Variants in RBFOX3 observed in about 807,000 individuals in gnomAD.
RBFOX3 encodes RNA binding protein fox-1 homolog 3.
A neutral mutation model predicts 48.7 loss-of-function variants in RBFOX3; 17 were observed. The observed-to-expected ratio is 0.35, with a 90% CI of 0.24 to 0.52. The LOEUF (loss-of-function observed/expected upper bound fraction) is 0.52. Ranked by LOEUF, RBFOX3 falls within the 20% of genes least tolerant of loss-of-function variation. The pLI is 0.94. For synonymous variants in RBFOX3, 212 were observed against 209.5 expected (o/e 1.01, Z -0.10); for missense variants, 382 against 497.5 (o/e 0.77, Z 2.21).
In RBFOX3 at chr17:79,092,060, G is replaced by A. The variant is rs906696334; in HGVS notation, c.1078-1175C>T. Reference sequence around the variant, plus strand: ...AGGCCTGCGGGAGCACCCTCAGGCCGGGGAGACCCACACTGGGTGCCTGGA... The same window carrying A: ...AGGCCTGCGGGAGCACCCTCAGGCCAGGGAGACCCACACTGGGTGCCTGGA... On this transcript the variant is annotated intron_variant, in intron 14 of 14. Coordinates refer to ENST00000693108, the MANE Select transcript of RBFOX3 (RefSeq NM_001350451.2). 14 of 985,362 alleles carry A rather than the reference G, an allele frequency of 1.4e-5. No individual in the cohort carries two copies. The African/African-American group carries it at 1.9e-4, about 14-fold the overall frequency. The allele number at this position is 985,362 out of a possible 1,614,324, so 61.0% of individuals were successfully genotyped here.
At chr17:79,467,574 A>G (rs1185727781) in intron 2 of RBFOX3, among the ~76,000 whole-genome samples, 4 of 152,160 alleles carry the variant, frequency 2.6e-5, no homozygotes, top group South Asian at 2.1e-4. Flanking sequence ...CCTGCCTGAC[A>G]GAGAGGCTTA....
intron 4 of RBFOX3, among the ~76,000 whole-genome samples, chr17:79,151,355 G>A (rs1305276031): frequency 3.4e-5 from 5 of 145,866 alleles, no homozygotes; most frequent in African/African-American, 1.0e-4. Context: ...AGACACGTTC[G>A]GTGTCACGGG....
At chr17:79,453,177 A>G (rs1312953903) in intron 2 of RBFOX3, among the ~76,000 whole-genome samples, 5 of 152,192 alleles carry the variant, frequency 3.3e-5, no homozygotes, top group Admixed American at 6.5e-5. Flanking sequence ...CATTCTACAC[A>G]TGCTATGCCG....
chr17:79,627,264 T>TC, the RBFOX3 span, among the ~76,000 whole-genome samples: 2 of 152,024 alleles, frequency 1.3e-5, no homozygotes, highest in Admixed American at 6.6e-5. Context: ...GATGCCACCT[T>TC]CCCCCCAGGT....
intron 1 of RBFOX3, among the ~76,000 whole-genome samples, chr17:79,558,175 G>A (rs1412484051): frequency 2.6e-5 from 4 of 152,198 alleles, no homozygotes; most frequent in African/African-American, 9.7e-5. Flanking sequence ...TTGGGGGCAG[G>A]AAAGACATAC....
intron 2 of RBFOX3, among the ~76,000 whole-genome samples, chr17:79,335,852 G>T (rs1275034145): frequency 6.6e-6 from 1 of 152,194 alleles, no homozygotes; most frequent in African/African-American, 2.4e-5. Context: ...ACTCCACGTA[G>T]CCTGCAGCCA....
In RBFOX3 at chr17:79,325,656, A is replaced by C. The variant is rs574902715; in HGVS notation, c.-174-17832T>G. Among the ~76,000 whole-genome samples, 8 of 152,324 alleles carry C rather than the reference A, an allele frequency of 5.3e-5. No individual in the cohort carries two copies. The South Asian group carries it at 1.7e-3, about 32-fold the overall frequency. On this transcript the variant is annotated intron_variant, in intron 2 of 14. Transcript: ENST00000693108. ...AAAAAATAATCAATCAATAAAAAACAAAAAGCACAACCAAAATGTAAGTAC... is the reference window on the plus strand; with the variant it reads ...AAAAAATAATCAATCAATAAAAAACCAAAAGCACAACCAAAATGTAAGTAC...
chr17:79,119,508 C>T (rs984174613), intron 4 of RBFOX3, among the ~76,000 whole-genome samples: 1 of 152,112 alleles, frequency 6.6e-6, no homozygotes, highest in South Asian at 2.1e-4. Context: ...GTAGCCCTGC[C>T]CAGGGTGGTT....
intron 1 of RBFOX3, among the ~76,000 whole-genome samples, chr17:79,537,932 A>C (rs2089092286): frequency 6.6e-6 from 1 of 152,088 alleles, no homozygotes; most frequent in African/African-American, 2.4e-5. Flanking sequence ...AGGCATGTCC[A>C]CACCCCCCGA....
chr17:79,181,888 G>A (rs1476638856), intron 4 of RBFOX3, among the ~76,000 whole-genome samples: 2 of 152,054 alleles, frequency 1.3e-5, no homozygotes, highest in South Asian at 4.2e-4. Context: ...TCCTTGGAGG[G>A]CCAAGGGGCA....
the RBFOX3 span, among the ~76,000 whole-genome samples, chr17:79,656,770 G>GAGAGAGAGAGAGAGAGAGA: frequency 6.2e-5 from 2 of 32,490 alleles, no homozygotes; most frequent in African/African-American, 8.7e-5. Flanking sequence ...AGGAAGGAAG[G>GAGAGAGAGAGAGAGAGAGA]AAGGAAGGAA....
intron 1 of RBFOX3, among the ~76,000 whole-genome samples, chr17:79,503,993 G>A (rs936242626): frequency 2.0e-5 from 3 of 151,368 alleles, no homozygotes; most frequent in African/African-American, 4.9e-5. Context: ...GTGGGTGGGC[G>A]GGGTGGCAGG....
At chr17:79,649,849 C>A in the RBFOX3 span, among the ~76,000 whole-genome samples, 1 of 152,022 alleles carries the variant, frequency 6.6e-6, no homozygotes, top group Admixed American at 6.6e-5. Flanking sequence ...TGGAGGCAGG[C>A]GAAGGGGAAG....
At chr17:79,141,670 G>C (rs2707039) in intron 4 of RBFOX3, among the ~76,000 whole-genome samples, 1 of 152,114 alleles carries the variant, frequency 6.6e-6, no homozygotes, top group Admixed American at 6.5e-5. Context: ...AGAAGTTGGG[G>C]GTCCCTCGGT....
chr17:79,211,632 G>A (rs78039663), intron 4 of RBFOX3, among the ~76,000 whole-genome samples: 1 of 152,114 alleles, frequency 6.6e-6, no homozygotes, highest in African/African-American at 2.4e-5. Context: ...AGACTCCGGG[G>A]GGCTGGACAG....
At chr17:79,662,599 A>G in the RBFOX3 span, among the ~76,000 whole-genome samples, 3 of 151,826 alleles carry the variant, frequency 2.0e-5, no homozygotes, top group Non-Finnish European at 2.9e-5. Flanking sequence ...TCATTAGTCT[A>G]TTTGTCTGTC....
At chr17:79,304,524 A>C (rs1023837349) in intron 3 of RBFOX3, among the ~76,000 whole-genome samples, 3 of 151,354 alleles carry the variant, frequency 2.0e-5, no homozygotes, top group Non-Finnish European at 4.4e-5. Context: ...AAACTGCTAG[A>C]AGATCACACA....
chr17:79,334,660 C>CCTAG (rs1381776744), intron 2 of RBFOX3, among the ~76,000 whole-genome samples: 1 of 152,256 alleles, frequency 6.6e-6, no homozygotes, highest in Non-Finnish European at 1.5e-5. Flanking sequence ...AGTTTAGGAG[C>CCTAG]CTAGGTCTGC....
At chr17:79,492,603 G>A (rs1175585485) in intron 1 of RBFOX3, among the ~76,000 whole-genome samples, 3 of 152,336 alleles carry the variant, frequency 2.0e-5, no homozygotes, top group African/African-American at 4.8e-5. Flanking sequence ...ACGCAACCTC[G>A]AAGGGACGCT....
Sources: gnomAD v4.1 joint callset for allele counts (sites outside exome capture counted in the v4.1 genomes callset) on GRCh38, gnomAD v4.1.1 for gene constraint, MANE v1.5 for transcripts, NCBI Gene and HGNC (gene_info 2026-07-23, HGNC 2026-07-21) for gene names.